The following CLSTN1 variants were observed in gnomAD, a reference collection of about 807,000 sequenced individuals.
CLSTN1 encodes the protein calsyntenin 1, also known as calsyntenin-1.
CLSTN1 carries 28 observed loss-of-function variants against 108.3 expected under a neutral mutation model. The ratio of observed to expected loss-of-function variants is 0.26; its 90% CI spans 0.19 to 0.35. The LOEUF is 0.35. Among genes scored for constraint, CLSTN1 ranks in the 10% least tolerant of loss-of-function variants. CLSTN1 has a pLI of 1.00. For missense variants in CLSTN1, 1,157 were observed against 1,302.6 expected (o/e 0.89, Z 1.72); for synonymous variants, 524 against 534.9 (o/e 0.98, Z 0.28).
chr1:9,760,286 C>T (rs891669517), intron 2 of CLSTN1, among the ~76,000 whole-genome samples: 2 of 152,104 alleles, frequency 1.3e-5, no homozygotes, highest in African/African-American at 4.8e-5. Context: ...AAAACCAACT[C>T]GCCAGGTTGG....
chr1:9,755,422 C>T (rs1261134419), intron 3 of CLSTN1, 113 bp from the exon 4 acceptor site: 13 of 927,108 alleles, frequency 1.4e-5, no homozygotes, highest in Non-Finnish European at 2.1e-5. Flanking sequence ...AATTTGGCAG[C>T]CAGGGGTTTG....
chr1:9,780,150 C>T lies in CLSTN1; in HGVS notation c.92-6756G>A, dbSNP rs145691265. Among the ~76,000 whole-genome samples, 664 of 152,316 alleles carry T rather than the reference C, an allele frequency of 4.4e-3. 12 individuals carry two copies. The highest frequency in any genetic ancestry group is 0.043 in the East Asian group (223 of 5,192). ...GATTACAGGCATGAGCCACGGCATCCGGCCTCCAATCTTTCATTTTAAAGC... is the reference window on the plus strand; with the variant it reads ...GATTACAGGCATGAGCCACGGCATCTGGCCTCCAATCTTTCATTTTAAAGC... On this transcript the variant is annotated intron_variant, in intron 1 of 18. Coordinates refer to ENST00000377298, the MANE Select transcript of CLSTN1 (RefSeq NM_001009566.3).
Position 9,751,528 on chromosome 1 carries a change from C to G in CLSTN1, c.594G>C (p.Gln198His), listed in dbSNP as rs1651558120. ...GAGTGATGATTTCGTAGCTGCAAAT[C>G]TGGCTGAACTGAGGGGAGCAGTCGG... is the stretch of plus-strand genomic sequence containing the variant. Reference protein sequence around the residue: ...VDADCSPQFSQICSYEIITPD... With the variant: ...VDADCSPQFSHICSYEIITPD... The change falls in exon 5 of 19, where the codon CAG becomes CAC. Residue 198 changes from glutamine (Q) to histidine (H), a missense_variant. Transcript: ENST00000377298. The G allele has an allele frequency of 2.5e-6, 4 of 1,614,024 alleles. No homozygotes were observed. Among genetic ancestry groups the G allele is most frequent in the Non-Finnish European group, 3.4e-6 (4 of 1,180,026 alleles).
rs761394322 is a variant in CLSTN1, at chr1:9,741,262, G to T, written c.1357-6C>A. 1.3e-5 allele frequency: 21 copies of T among 1,599,734 alleles called. No homozygotes were observed. In the Middle Eastern group the frequency reaches 6.6e-4, roughly 50 times the overall value. On this transcript the variant is annotated splice_region_variant and splice_polypyrimidine_tract_variant and intron_variant, in intron 9 of 18. Coordinates refer to ENST00000377298, the MANE Select transcript of CLSTN1 (RefSeq NM_001009566.3). ...TGCCATTCCTCATCACAGACCTACAGAGGCAAAGGGAAGCGGGGAGGTGTG... is the reference window on the plus strand; with the variant it reads ...TGCCATTCCTCATCACAGACCTACATAGGCAAAGGGAAGCGGGGAGGTGTG...
At chr1:9,748,273 A>C (rs972547690) in intron 7 of CLSTN1, among the ~76,000 whole-genome samples, 1 of 151,830 alleles carries the variant, frequency 6.6e-6, no homozygotes, top group Non-Finnish European at 1.5e-5. Flanking sequence ...TCCATACCTC[A>C]CCTCTTCTTC....
intron 1 of CLSTN1, among the ~76,000 whole-genome samples, chr1:9,802,716 T>G (rs765256067): frequency 1.7e-4 from 26 of 152,274 alleles, no homozygotes; most frequent in Non-Finnish European, 3.7e-4. Context: ...AATGGCAACT[T>G]CACTTGTTTC....
intron 2 of CLSTN1, among the ~76,000 whole-genome samples, chr1:9,771,538 C>T (rs1344917773): frequency 4.6e-5 from 7 of 151,912 alleles, no homozygotes; most frequent in African/African-American, 9.7e-5. Context: ...TGCTTGAACC[C>T]GGGAGGCAGA....
In CLSTN1 at chr1:9,781,321, G is replaced by T; in HGVS notation, c.92-7927C>A. On this transcript the variant is annotated intron_variant, in intron 1 of 18. Transcript: ENST00000377298. ...TGCACTGTAGTCGAGAATGTACAAT[G>T]ATACTGAATGCAGCAGTGTAGAAAA... 4.9e-6 allele frequency: 3 copies of T among 616,054 alleles called. No homozygotes were observed. In the South Asian group the frequency reaches 6.3e-5, roughly 13 times the overall value. The allele number at this position is 616,054 out of a possible 1,614,324, so 38.2% of individuals were successfully genotyped here.
chr1:9,732,431 T>A (rs1295145454), intron 16 of CLSTN1, among the ~76,000 whole-genome samples: 1 of 152,220 alleles, frequency 6.6e-6, no homozygotes, highest in African/African-American at 2.4e-5. Context: ...AAGCCGATGG[T>A]CCTTCCCCAT....
chr1:9,744,370 A>T, intron 8 of CLSTN1, 25 bp downstream of exon 8: 1 of 1,586,712 alleles, frequency 6.3e-7, no homozygotes, highest in Non-Finnish European at 8.6e-7. Context: ...GGGGCCTGGC[A>T]TCGCTTGCAG....
intron 2 of CLSTN1, among the ~76,000 whole-genome samples, chr1:9,767,857 A>G (rs1378738011): frequency 2.0e-5 from 3 of 152,170 alleles, no homozygotes; most frequent in Non-Finnish European, 4.4e-5. Context: ...AAGTGAAAAA[A>G]TATTTTTAAA....
At chr1:9,812,078 A>G (rs1430756867) in intron 1 of CLSTN1, among the ~76,000 whole-genome samples, 2 of 152,122 alleles carry the variant, frequency 1.3e-5, no homozygotes, top group Admixed American at 6.6e-5. Flanking sequence ...CAGAGCTTGC[A>G]GTGAGCCGAG....
intron 7 of CLSTN1, 77 bp downstream of exon 7, chr1:9,749,384 A>AC: frequency 7.8e-7 from 1 of 1,288,902 alleles, no homozygotes; most frequent in Non-Finnish European, 1.1e-6. Flanking sequence ...CACAACACAC[A>AC]CAAGTATTTC....
At chr1:9,798,433 C>A (rs1303774572) in intron 1 of CLSTN1, among the ~76,000 whole-genome samples, 3 of 152,090 alleles carry the variant, frequency 2.0e-5, no homozygotes, top group African/African-American at 7.2e-5. Flanking sequence ...ATGTACGAGC[C>A]TCAAAAAATT....
At chr1:9,796,517 T>C (rs553655967) in intron 1 of CLSTN1, among the ~76,000 whole-genome samples, 150 of 130,360 alleles carry the variant, frequency 1.2e-3, no homozygotes, top group Non-Finnish European at 1.1e-3. Context: ...CTACTAAACA[T>C]ACAAAAAAAA....
chr1:9,776,067 G>A (rs554045174), intron 1 of CLSTN1, among the ~76,000 whole-genome samples: 64 of 151,758 alleles, frequency 4.2e-4, no homozygotes, highest in African/African-American at 8.0e-4. Flanking sequence ...TCGCCTCTCA[G>A]GTTCAAGCAA....
At chr1:9,801,298 T>C (rs1419580760) in intron 1 of CLSTN1, among the ~76,000 whole-genome samples, 5 of 152,156 alleles carry the variant, frequency 3.3e-5, no homozygotes, top group Admixed American at 3.3e-4. Context: ...AAAAATTTGA[T>C]AACCTAGATG....
intron 1 of CLSTN1, among the ~76,000 whole-genome samples, chr1:9,820,603 G>A (rs1227043667): frequency 6.6e-6 from 1 of 152,084 alleles, no homozygotes; most frequent in African/African-American, 2.4e-5. Flanking sequence ...TCTGTAAAGT[G>A]AAAATTAGGA....
At chr1:9,732,008 A>T in intron 16 of CLSTN1, 112 bp from the exon 17 acceptor site, 2 of 1,289,504 alleles carry the variant, frequency 1.6e-6, no homozygotes, top group South Asian at 2.7e-5. Context: ...TGGCTCCTGG[A>T]CCGCAGCTGG....
Sources: allele counts gnomAD v4.1 joint callset (sites outside exome capture counted in the v4.1 genomes callset), GRCh38; gene constraint gnomAD v4.1.1; transcripts MANE v1.5; gene names NCBI Gene and HGNC (gene_info 2026-07-23, HGNC 2026-07-21).